ZNF124: variants seen among roughly 807,000 people sequenced by gnomAD.
ZNF124 encodes the protein zinc finger protein 124, also known as zinc finger protein HZF-16.
In ZNF124, 25 loss-of-function variants were observed where a neutral mutation model predicts 26.6. That is an observed-to-expected ratio of 0.94 (90% CI 0.68 to 1.31). ZNF124 has a LOEUF of 1.31. Ranked by LOEUF, ZNF124 falls within the 40% of genes most tolerant of loss-of-function variation. The pLI is 0.00. For missense variants in ZNF124, 444 were observed against 422.2 expected, an observed-to-expected ratio of 1.05 and a Z score of -0.45; for synonymous variants, 129 against 133.3, an observed-to-expected ratio of 0.97 and a Z score of 0.22.
intron 1 of ZNF124, among the ~76,000 whole-genome samples, chr1:247,161,447 T>C (rs1336300023): frequency 6.6e-6 from 1 of 152,068 alleles, no homozygotes. Context: ...GTAAAAAGTA[T>C]AAATAGACCA....
intron 1 of ZNF124, 163 bp from the exon 2 acceptor site, chr1:247,159,976 G>GTTTTTTTTT (rs779659255): frequency 1.6e-5 from 4 of 247,176 alleles, no homozygotes; most frequent in African/African-American, 2.9e-5. Flanking sequence ...CCACATAGCA[G>GTTTTTTTTT]TTCTTTTTTT....
chr1:247,157,636 C>A (rs1434215235), intron 3 of ZNF124: 1 of 575,668 alleles, frequency 1.7e-6, no homozygotes, highest in Non-Finnish European at 3.2e-6. Flanking sequence ...TGAACTTACA[C>A]TGCTACCAAT....
At chr1:247,138,847 TGGGAACTGCTTA>T (rs2103104592) in intron 3 of ZNF124, 1 of 397,924 alleles carries the variant, frequency 2.5e-6, no homozygotes, top group East Asian at 3.6e-5. Flanking sequence ...AATGTCAAGC[TGGGAACTGCTTA>T]GGGCAAACCT....
At chr1:247,124,883 G>A (rs75752536) in intron 3 of ZNF124, among the ~76,000 whole-genome samples, 13 of 152,086 alleles carry the variant, frequency 8.5e-5, no homozygotes, top group South Asian at 8.3e-4. Context: ...CTGCATCCTC[G>A]ACCTCCCCAG....
chr1:247,159,144 G>A, intron 2 of ZNF124, 78 bp from the exon 3 acceptor site: 18 of 1,399,754 alleles, frequency 1.3e-5, no homozygotes, highest in Non-Finnish European at 1.8e-5. Context: ...TGCTATGTTG[G>A]GGATATGGTT....
At chr1:247,150,678 T>C (rs774719990), downstream of ZNF124, among the ~76,000 whole-genome samples, 46 of 152,128 alleles carry the variant, frequency 3.0e-4, no homozygotes, top group Non-Finnish European at 6.2e-4. Context: ...AATAAAATTC[T>C]ATTAAAATTA....
intron 3 of ZNF124, among the ~76,000 whole-genome samples, chr1:247,130,099 A>C (rs2103099379): frequency 6.6e-6 from 1 of 152,278 alleles, no homozygotes; most frequent in South Asian, 2.1e-4. Flanking sequence ...CACCTTGAAA[A>C]TACTTGTTCA....
chr1:247,163,824 G>A (rs918949612), intron 1 of ZNF124, among the ~76,000 whole-genome samples: 8 of 152,068 alleles, frequency 5.3e-5, no homozygotes, highest in Admixed American at 4.6e-4. Flanking sequence ...CACATGGCAG[G>A]CATACAACAA....
At chr1:247,141,296 C>T (rs1672621065) in intron 3 of ZNF124, among the ~76,000 whole-genome samples, 2 of 151,176 alleles carry the variant, frequency 1.3e-5, no homozygotes, top group African/African-American at 4.9e-5. Flanking sequence ...AGGGCAGTTC[C>T]ACTGCAGACA....
chr1:247,165,216 T>G (rs1673711951), intron 1 of ZNF124, among the ~76,000 whole-genome samples: 1 of 152,184 alleles, frequency 6.6e-6, no homozygotes, highest in African/African-American at 2.4e-5. Flanking sequence ...TCCACCTGCC[T>G]CAGCCTCCCA....
chr1:247,143,859 C>T (rs527313925), intron 3 of ZNF124, among the ~76,000 whole-genome samples: 1 of 152,296 alleles, frequency 6.6e-6, no homozygotes, highest in East Asian at 1.9e-4. Context: ...CCATGAGATA[C>T]TAAGTCTCTC....
chr1:247,169,778 TGTCTCTAAGGA>T (rs1464020588), intron 1 of ZNF124, among the ~76,000 whole-genome samples: 2 of 134,910 alleles, frequency 1.5e-5, no homozygotes, highest in Non-Finnish European at 3.2e-5. Context: ...ACCAGCATTT[TGTCTCTAAGGA>T]GTGATAACGG....
intron 3 of ZNF124, among the ~76,000 whole-genome samples, chr1:247,144,885 C>T (rs1483788907): frequency 6.6e-6 from 1 of 151,868 alleles, no homozygotes; most frequent in Non-Finnish European, 1.5e-5. Context: ...AAGCAATTCT[C>T]CTGCCTCAGC....
chr1:247,132,938 G>T (rs1372830102), intron 3 of ZNF124, among the ~76,000 whole-genome samples: 2 of 152,190 alleles, frequency 1.3e-5, no homozygotes, highest in African/African-American at 4.8e-5. Context: ...GTCTGCTGAA[G>T]TTCCCAGCTG....
intron 3 of ZNF124, among the ~76,000 whole-genome samples, chr1:247,139,097 C>T (rs1558375297): frequency 6.6e-6 from 1 of 152,212 alleles, no homozygotes; most frequent in East Asian, 1.9e-4. Flanking sequence ...TAATTGATGT[C>T]TCATGTCTCC....
intron 3 of ZNF124, among the ~76,000 whole-genome samples, chr1:247,124,119 C>T (rs567206449): frequency 7.3e-5 from 11 of 150,346 alleles, no homozygotes; most frequent in Non-Finnish European, 1.5e-4. Flanking sequence ...TGAGCCACTG[C>T]GCCCGGCCTA....
At chr1:247,139,005 C>T (rs923368781) in intron 3 of ZNF124, among the ~76,000 whole-genome samples, 2 of 152,194 alleles carry the variant, frequency 1.3e-5, no homozygotes, top group Non-Finnish European at 2.9e-5. Context: ...CCTGAAAGCT[C>T]CCTCCCGACT....
At chr1:247,154,212 G>C (rs1455117172), downstream of ZNF124, among the ~76,000 whole-genome samples, 1 of 152,206 alleles carries the variant, frequency 6.6e-6, no homozygotes, top group Non-Finnish European at 1.5e-5. Flanking sequence ...GGCAAGACCA[G>C]GTGGAGGTAA....
intron 3 of ZNF124, among the ~76,000 whole-genome samples, chr1:247,130,263 C>T (rs1672307607): frequency 6.6e-6 from 1 of 152,050 alleles, no homozygotes; most frequent in Non-Finnish European, 1.5e-5. Flanking sequence ...TCTTAAATGG[C>T]TTTTTTCTTG....
Sources: allele counts gnomAD v4.1 joint callset (sites outside exome capture counted in the v4.1 genomes callset), GRCh38; gene constraint gnomAD v4.1.1; transcripts MANE v1.5; gene names NCBI Gene and HGNC (gene_info 2026-07-23, HGNC 2026-07-21).